The following CNKSR2 variants were observed in gnomAD, a reference collection of about 807,000 sequenced individuals.
CNKSR2 encodes connector enhancer of kinase suppressor of Ras 2, also known as CNK homolog protein 2.
In CNKSR2, 14 loss-of-function variants were observed where a neutral mutation model predicts 84.4. That is an observed-to-expected ratio of 0.17 (90% confidence interval 0.11 to 0.26). The LOEUF is 0.26. Ranked by LOEUF, CNKSR2 falls within the 10% of genes least tolerant of loss-of-function variation. CNKSR2 has a pLI of 1.00. For synonymous variants in CNKSR2, 275 were observed against 277.9 expected (o/e 0.99, Z 0.10); for missense variants, 485 against 771.2 (o/e 0.63, Z 4.40).
intron 17 of CNKSR2, among the ~76,000 whole-genome samples, chrX:21,597,231 C>T (rs1449964116): frequency 9.0e-6 from 1 of 111,514 alleles, no homozygotes. Context: ...CATTACCCAC[C>T]CCAAGTTAGC....
intron 4 of CNKSR2, among the ~76,000 whole-genome samples, chrX:21,449,770 A>G (rs1376979808): frequency 8.9e-6 from 1 of 111,910 alleles, no homozygotes; most frequent in Non-Finnish European, 1.9e-5. Flanking sequence ...AAAAGAGAAC[A>G]TGGTGAACCA....
chrX:21,502,027 G>C (rs2147067491), intron 8 of CNKSR2, among the ~76,000 whole-genome samples: 1 of 107,929 alleles, frequency 9.3e-6, no homozygotes, highest in East Asian at 3.0e-4. Context: ...AAAGTATCTG[G>C]TGGTTTTGGG....
intron 11 of CNKSR2, among the ~76,000 whole-genome samples, chrX:21,549,593 A>G (rs1197537054): frequency 8.9e-6 from 1 of 112,305 alleles, no homozygotes. Context: ...ACCAAAAAAG[A>G]GCCCATATAC....
intron 7 of CNKSR2, among the ~76,000 whole-genome samples, chrX:21,500,570 A>G (rs1301389637): frequency 9.0e-6 from 1 of 111,217 alleles, no homozygotes; most frequent in Non-Finnish European, 1.9e-5. Flanking sequence ...TCAAAAGCAT[A>G]TTAAAATGCA....
chrX:21,586,831 G>T (rs780458210), intron 13 of CNKSR2, among the ~76,000 whole-genome samples: 1 of 111,519 alleles, frequency 9.0e-6, no homozygotes, highest in Non-Finnish European at 1.9e-5. Context: ...GAAATTGGAA[G>T]ACAGTAAAAT....
At position 21,378,500 on chromosome X, in the gene CNKSR2, A is replaced by G. The variant is rs763370322; in HGVS notation, c.64+3539A>G. Among the ~76,000 whole-genome samples the G allele has an allele frequency of 3.6e-5, 4 of 111,560 alleles. No homozygotes were observed. The East Asian group carries it at 8.4e-4, about 23-fold the overall frequency. ...TACCTGTTCACTTGCAGGGCCTGGA[A>G]ATATTTCATAATTTGCAGTTATTTG... On this transcript the variant is annotated intron_variant, in intron 1 of 21. Coordinates refer to ENST00000379510, the MANE Select transcript of CNKSR2 (RefSeq NM_014927.5).
chrX:21,610,822 G>A (rs1270686677), intron 20 of CNKSR2, among the ~76,000 whole-genome samples: 3 of 111,964 alleles, frequency 2.7e-5, no homozygotes, highest in Non-Finnish European at 3.8e-5. Context: ...CATTTAAAAT[G>A]GTAGTCTCTT....
intron 13 of CNKSR2, among the ~76,000 whole-genome samples, chrX:21,575,136 CTG>C (rs2092310659): frequency 9.0e-6 from 1 of 111,403 alleles, no homozygotes; most frequent in Admixed American, 9.5e-5. Context: ...CAGTCAAAAA[CTG>C]TGGAAACCCA....
At chrX:21,423,893 T>A (rs1318160525) in intron 1 of CNKSR2, 3 of 111,386 alleles carry the variant, frequency 2.7e-5, no homozygotes, top group Non-Finnish European at 3.8e-5. Flanking sequence ...CTTTTTCATT[T>A]TAATAACTGT....
At chrX:21,571,810 G>T (rs2092285744) in intron 13 of CNKSR2, among the ~76,000 whole-genome samples, 1 of 112,072 alleles carries the variant, frequency 8.9e-6, no homozygotes, top group South Asian at 3.7e-4. Context: ...AGTTATAAAG[G>T]TTGGTTTGTC....
chrX:21,570,595 A>T (rs2092277063), intron 13 of CNKSR2, among the ~76,000 whole-genome samples: 1 of 111,936 alleles, frequency 8.9e-6, no homozygotes, highest in Non-Finnish European at 1.9e-5. Context: ...TTGGCTTTTG[A>T]CATGCCTTCC....
chrX:21,451,197 G>A (rs2090923019), intron 4 of CNKSR2, among the ~76,000 whole-genome samples: 1 of 111,715 alleles, frequency 9.0e-6, no homozygotes, highest in Non-Finnish European at 1.9e-5. Flanking sequence ...CCTTGAGAAA[G>A]TAAAGAGACA....
chrX:21,485,885 A>G (rs1259145834), intron 5 of CNKSR2, among the ~76,000 whole-genome samples: 1 of 112,278 alleles, frequency 8.9e-6, no homozygotes, highest in African/African-American at 3.2e-5. Context: ...CTGCAATCCC[A>G]GAACTTTGGG....
At chrX:21,573,962 C>G (rs1369630290) in intron 13 of CNKSR2, among the ~76,000 whole-genome samples, 1 of 111,542 alleles carries the variant, frequency 9.0e-6, no homozygotes, top group Non-Finnish European at 1.9e-5. Flanking sequence ...GGTCTGCTTC[C>G]TCTTGAACAC....
At chrX:21,559,042 C>T (rs931696869) in intron 11 of CNKSR2, among the ~76,000 whole-genome samples, 1 of 110,527 alleles carries the variant, frequency 9.0e-6, no homozygotes, top group Admixed American at 9.7e-5. Flanking sequence ...ATCTGGAGGA[C>T]TGACTGTGCA....
At chrX:21,571,749 A>G (rs1181034160) in intron 13 of CNKSR2, among the ~76,000 whole-genome samples, 1 of 112,369 alleles carries the variant, frequency 8.9e-6, no homozygotes, top group Admixed American at 9.4e-5. Flanking sequence ...ACAATAATGG[A>G]AAAACTGTGA....
At chrX:21,471,215 C>T (rs1267025077) in intron 5 of CNKSR2, among the ~76,000 whole-genome samples, 1 of 111,692 alleles carries the variant, frequency 9.0e-6, no homozygotes, top group Non-Finnish European at 1.9e-5. Context: ...TTCCTTTGCT[C>T]CAATTCTATA....
chrX:21,589,646 T>G (rs1050292316), intron 13 of CNKSR2, among the ~76,000 whole-genome samples: 10 of 111,675 alleles, frequency 9.0e-5, no homozygotes, highest in Non-Finnish European at 1.7e-4. Flanking sequence ...GACCAATCAA[T>G]ATAGTTGTGG....
At position 21,601,291 on chromosome X, in the gene CNKSR2, C is replaced by A; in HGVS notation, c.1986C>A (p.Asn662Lys). ...EHLDDMNRWL[N>K]RINMLTAGYA... ...ATATTTGTTTTCTCAGGTGGCTTAA[C>A]AGAATTAATATGCTGACTGCAGGAT... is the stretch of plus-strand genomic sequence containing the variant. Residue 662 changes from asparagine (N) to lysine (K), a missense_variant, in exon 18 of 22, where the codon AAC becomes AAA. Coordinates refer to ENST00000379510, the MANE Select transcript of CNKSR2 (RefSeq NM_014927.5). 8.6e-7 allele frequency: 1 copy of A among 1,160,466 alleles called. No individual in the cohort carries two copies. The highest frequency in any genetic ancestry group is 1.2e-6 in the Non-Finnish European group (1 of 855,244).
Sources: gnomAD v4.1 joint callset for allele counts (sites outside exome capture counted in the v4.1 genomes callset) on GRCh38, gnomAD v4.1.1 for gene constraint, MANE v1.5 for transcripts, NCBI Gene and HGNC (gene_info 2026-07-23, HGNC 2026-07-21) for gene names.